The following FRMPD4 variants were observed in gnomAD, a reference collection of about 807,000 sequenced individuals.
FRMPD4 encodes the protein FERM and PDZ domain-containing protein 4.
In FRMPD4, 22 loss-of-function variants were observed where a neutral mutation model predicts 94.1. The observed-to-expected ratio is 0.23, with a 90% CI of 0.17 to 0.33. FRMPD4 has a LOEUF of 0.33. FRMPD4 is among the 10% of genes least tolerant of loss of function. The pLI is 1.00. For synonymous variants in FRMPD4, 631 were observed against 548.6 expected (o/e 1.15, Z -2.10); for missense variants, 1,111 against 1,339.9 (o/e 0.83, Z 2.67).
intron 3 of FRMPD4, among the ~76,000 whole-genome samples, chrX:12,053,058 T>C (rs1014390740): frequency 1.8e-5 from 2 of 110,607 alleles, no homozygotes; most frequent in African/African-American, 6.6e-5. Flanking sequence ...GAATTTAAGG[T>C]CAGATGCAAT....
intron 2 of FRMPD4, among the ~76,000 whole-genome samples, chrX:12,600,601 C>A (rs1182801653): frequency 8.9e-6 from 1 of 112,387 alleles, no homozygotes; most frequent in South Asian, 3.7e-4. Context: ...AAAGACAACT[C>A]TTTCAGTTCA....
At chrX:12,633,817 T>G (rs748675095) in intron 4 of FRMPD4, among the ~76,000 whole-genome samples, 27 of 112,388 alleles carry the variant, frequency 2.4e-4, no homozygotes, top group Non-Finnish European at 4.3e-4. Flanking sequence ...TCTTCACTTA[T>G]TCACATTTGA....
intron 1 of FRMPD4, among the ~76,000 whole-genome samples, chrX:12,305,012 T>C (rs2054915474): frequency 8.9e-6 from 1 of 112,141 alleles, no homozygotes; most frequent in African/African-American, 3.2e-5. Flanking sequence ...GGAAGCATGG[T>C]TGATAGAAAA....
chrX:12,441,078 G>T (rs1184403625), intron 1 of FRMPD4, among the ~76,000 whole-genome samples: 1 of 112,131 alleles, frequency 8.9e-6, no homozygotes, highest in Non-Finnish European at 1.9e-5. Flanking sequence ...GAATAATTCA[G>T]AAAGACTGCA....
intron 3 of FRMPD4, among the ~76,000 whole-genome samples, chrX:12,124,613 A>G (rs1184352237): frequency 8.9e-6 from 1 of 112,904 alleles, no homozygotes; most frequent in Non-Finnish European, 1.9e-5. Context: ...TCAAATCACA[A>G]GAGCAAACTA....
chrX:12,179,946 C>A (rs2056339809), intron 1 of FRMPD4, among the ~76,000 whole-genome samples: 1 of 108,851 alleles, frequency 9.2e-6, no homozygotes, highest in Admixed American at 9.9e-5. Flanking sequence ...TCAAAGCCCT[C>A]ATTTGCCATT....
intron 3 of FRMPD4, among the ~76,000 whole-genome samples, chrX:11,975,728 G>C (rs1043314021): frequency 9.0e-6 from 1 of 111,403 alleles, no homozygotes; most frequent in African/African-American, 3.3e-5. Context: ...CCTAGAGACT[G>C]CACACAGCAC....
intron 2 of FRMPD4, among the ~76,000 whole-genome samples, chrX:12,502,687 AGAT>A (rs1386630625): frequency 8.9e-6 from 1 of 112,599 alleles, no homozygotes; most frequent in South Asian, 3.7e-4. Context: ...ACATACATAT[AGAT>A]GATAGAGAAT....
intron 3 of FRMPD4, among the ~76,000 whole-genome samples, chrX:11,982,341 C>T (rs1322179753): frequency 9.1e-6 from 1 of 109,710 alleles, no homozygotes; most frequent in African/African-American, 3.3e-5. Context: ...TTGAGATCTT[C>T]TCTTTCTTTT....
chrX:12,110,768 C>T (rs2055352527), intron 3 of FRMPD4, among the ~76,000 whole-genome samples: 1 of 111,570 alleles, frequency 9.0e-6, no homozygotes, highest in Non-Finnish European at 1.9e-5. Flanking sequence ...CATTCTTACA[C>T]ACCAATAACA....
intron 1 of FRMPD4, among the ~76,000 whole-genome samples, chrX:12,443,166 G>A (rs956164932): frequency 9.0e-6 from 1 of 111,609 alleles, no homozygotes; most frequent in African/African-American, 3.3e-5. Flanking sequence ...AGTGGTGATG[G>A]TTGCAAACTC....
At chrX:12,488,083 C>T (rs979571703) in intron 1 of FRMPD4, among the ~76,000 whole-genome samples, 1 of 111,971 alleles carries the variant, frequency 8.9e-6, no homozygotes, top group African/African-American at 3.2e-5. Context: ...TGGGCTGTAA[C>T]TTTCCATCTT....
intron 2 of FRMPD4, among the ~76,000 whole-genome samples, chrX:12,528,303 G>GT (rs1239485687): frequency 5.1e-4 from 47 of 91,924 alleles, no homozygotes; most frequent in South Asian, 1.1e-3. Context: ...CTGTTAGTCT[G>GT]TTTTTTTTTG....
At chrX:12,170,427 G>A (rs1320342349) in intron 1 of FRMPD4, among the ~76,000 whole-genome samples, 1 of 111,147 alleles carries the variant, frequency 9.0e-6, no homozygotes, top group Non-Finnish European at 1.9e-5. Context: ...ACTGTAGCTT[G>A]TTTGTTGCCC....
At chrX:11,829,551 CT>C (rs2053463468) in intron 1 of FRMPD4, among the ~76,000 whole-genome samples, 1 of 111,862 alleles carries the variant, frequency 8.9e-6, no homozygotes, top group East Asian at 2.8e-4. Context: ...CATGTACCCC[CT>C]GAATCTAAAA....
chrX:12,437,840 G>A (rs1010314115), intron 1 of FRMPD4, among the ~76,000 whole-genome samples: 2 of 111,669 alleles, frequency 1.8e-5, no homozygotes, highest in Non-Finnish European at 3.8e-5. Context: ...CTATTCTAAG[G>A]CTTTACTGAG....
intron 1 of FRMPD4, among the ~76,000 whole-genome samples, chrX:12,267,891 C>T (rs888364852): frequency 1.8e-5 from 2 of 112,990 alleles, no homozygotes; most frequent in African/African-American, 6.4e-5. Flanking sequence ...CTTTCCCTTC[C>T]TTAAATGTGT....
intron 3 of FRMPD4, among the ~76,000 whole-genome samples, chrX:11,883,357 G>A (rs2053824349): frequency 3.6e-5 from 4 of 112,124 alleles, no homozygotes; most frequent in South Asian, 7.4e-4. Flanking sequence ...TATGTGTGAG[G>A]AGGGATGTAT....
At chrX:12,158,649 A>G (rs1218299468) in intron 1 of FRMPD4, among the ~76,000 whole-genome samples, 6 of 111,723 alleles carry the variant, frequency 5.4e-5, no homozygotes, top group African/African-American at 1.6e-4. Context: ...CACTTAAGTC[A>G]TGTTTATTAG....
Sources: gnomAD v4.1 joint callset for allele counts (sites outside exome capture counted in the v4.1 genomes callset) on GRCh38, gnomAD v4.1.1 for gene constraint, MANE v1.5 for transcripts, NCBI Gene and HGNC (gene_info 2026-07-23, HGNC 2026-07-21) for gene names.